The following DNAJC5G variants were observed in gnomAD, a reference collection of about 807,000 sequenced individuals.
The protein encoded by DNAJC5G is DnaJ heat shock protein family (Hsp40) member C5 gamma.
Under a neutral mutation model 19.1 loss-of-function variants are expected in DNAJC5G, and 13 were observed. The ratio of observed to expected loss-of-function variants is 0.68; its 90% CI spans 0.44 to 1.08. The LOEUF (loss-of-function observed/expected upper bound fraction) is 1.08, where lower values mean the gene tolerates loss of function less well. Ranked by LOEUF, DNAJC5G falls within the 50% of genes least tolerant of loss-of-function variation. DNAJC5G has a pLI of 0.00. For synonymous variants in DNAJC5G, 81 were observed against 84.4 expected (o/e 0.96, Z 0.22); for missense variants, 245 against 230.4 (o/e 1.06, Z -0.41).
rs563903580 is a variant in DNAJC5G, at chr2:27,277,194, G to A, written c.113+353G>A. Among the ~76,000 whole-genome samples, 22 of 151,496 alleles carry A rather than the reference G, an allele frequency of 1.5e-4. No individual in the cohort carries two copies. In the East Asian group the frequency reaches 2.2e-3, roughly 15 times the overall value. ...TGACCTCAGGTGATCTACCTGCCTC[G>A]GCCTCCCAAAGTGCTGGGATTACAG... On this transcript the variant is annotated intron_variant, in intron 3 of 6. Transcript: ENST00000296097.
chr2:27,277,750 C>G lies in DNAJC5G; in HGVS notation c.114-4C>G, dbSNP rs1376869757. ...TGTCATTCATCGTAAGTCTCCTTCCCCAGCCATTCCGCATTGCTTCCCCAC... is the reference window on the plus strand; with the variant it reads ...TGTCATTCATCGTAAGTCTCCTTCCGCAGCCATTCCGCATTGCTTCCCCAC... On this transcript the variant is annotated splice_region_variant and splice_polypyrimidine_tract_variant and intron_variant, in intron 3 of 6. Transcript: ENST00000296097. 8 of 1,613,760 alleles carry G rather than the reference C, an allele frequency of 5.0e-6. No homozygotes were observed. The East Asian group carries it at 1.6e-4, about 31-fold the overall frequency.
At position 27,281,168 on chromosome 2, in the gene DNAJC5G, C is replaced by G. The variant is rs1320183257; in HGVS notation, c.*758C>G. The G allele has an allele frequency of 1.3e-5, 2 of 152,368 alleles. No homozygotes were observed. The highest frequency in any genetic ancestry group is 3.7e-4 in the East Asian group (2 of 5,338). The allele number at this position is 152,368 out of a possible 1,614,324, so 9.4% of individuals were successfully genotyped here. ...AGTTCAAACATCAGTGCCAGCTTGC[C>G]TCCATCCTTTTCACATATTATGCAG... On this transcript the variant is annotated 3_prime_UTR_variant, in exon 7 of 7. Coordinates refer to ENST00000296097, the MANE Select transcript of DNAJC5G (RefSeq NM_173650.3).
intron 1 of DNAJC5G, 25 bp downstream of exon 1, chr2:27,275,578 A>C (rs796839615): frequency 7.6e-5 from 23 of 302,588 alleles, no homozygotes; most frequent in African/African-American, 4.8e-4. Context: ...CCAGGTGAGG[A>C]GTCGGCACAG....
chr2:27,276,572 A>C, intron 2 of DNAJC5G, 154 bp from the exon 3 acceptor site: 1 of 600,886 alleles, frequency 1.7e-6, no homozygotes, highest in Non-Finnish European at 2.9e-6. Context: ...CCTGCTAGCC[A>C]CAAATCCCAC....
In DNAJC5G at chr2:27,280,147, A is replaced by T. The variant is rs770574385; in HGVS notation, c.521-19A>T. ...ACTAAACGTTTGTATATGTAAACAT[A>T]TATATAATTCCATCATAGGAGCCAA... On this transcript the variant is annotated intron_variant, in intron 5 of 6. Coordinates refer to ENST00000296097, the MANE Select transcript of DNAJC5G (RefSeq NM_173650.3). The T allele has an allele frequency of 2.5e-6, 4 of 1,611,626 alleles. No individual in the cohort carries two copies. The highest frequency in any genetic ancestry group is 2.2e-5 in the South Asian group (2 of 91,012).
intron 1 of DNAJC5G, chr2:27,275,852 T>A (rs1388895760): frequency 6.6e-6 from 1 of 151,006 alleles, no homozygotes; most frequent in Non-Finnish European, 1.5e-5. Flanking sequence ...CAGGCCTAGC[T>A]GCAAGCACTC....
intron 5 of DNAJC5G, among the ~76,000 whole-genome samples, chr2:27,279,824 G>A (rs1302498631): frequency 6.6e-6 from 1 of 151,992 alleles, no homozygotes; most frequent in Non-Finnish European, 1.5e-5. Flanking sequence ...AGGGGAGGCT[G>A]AGGTGGGAGG....
rs188414722 is a variant in DNAJC5G, at chr2:27,280,458, G to T, written c.*48G>T. Reference sequence around the variant, plus strand: ...TGACCCAGTGAGGGTGCCTTCTGCTGCCCAGTCCCCTGGACACATTGAAGA... The same window carrying T: ...TGACCCAGTGAGGGTGCCTTCTGCTTCCCAGTCCCCTGGACACATTGAAGA... On this transcript the variant is annotated 3_prime_UTR_variant, in exon 7 of 7. Coordinates refer to ENST00000296097, the MANE Select transcript of DNAJC5G (RefSeq NM_173650.3). 332 of 489,904 alleles carry T rather than the reference G, an allele frequency of 6.8e-4. No homozygotes were observed. The highest frequency in any genetic ancestry group is 6.0e-3 in the African/African-American group (311 of 51,456). The allele number at this position is 489,904 out of a possible 1,614,324, so 30.3% of individuals were successfully genotyped here.
intron 5 of DNAJC5G, 47 bp from the exon 6 acceptor site, chr2:27,280,119 G>C (rs1390491460): frequency 1.3e-6 from 2 of 1,584,708 alleles, no homozygotes; most frequent in Non-Finnish European, 1.7e-6. Flanking sequence ...ACTACGAAAA[G>C]TTACTAAACG....
At chr2:27,279,123 G>C (rs1184582739) in intron 5 of DNAJC5G, among the ~76,000 whole-genome samples, 1 of 151,776 alleles carries the variant, frequency 6.6e-6, no homozygotes, top group African/African-American at 2.4e-5. Context: ...CTGGGACAAA[G>C]TGAAGAAAAA....
chr2:27,279,599 A>T (rs1220548320), intron 5 of DNAJC5G, among the ~76,000 whole-genome samples: 1 of 151,956 alleles, frequency 6.6e-6, no homozygotes, highest in Non-Finnish European at 1.5e-5. Context: ...GCCTGGCGGG[A>T]TGCAATTTTT....
At chr2:27,276,987 T>C (rs953107025) in intron 3 of DNAJC5G, 146 bp downstream of exon 3, 1 of 715,874 alleles carries the variant, frequency 1.4e-6, no homozygotes, top group Non-Finnish European at 2.2e-6. Flanking sequence ...ACAGAGACTA[T>C]TGAGAGTGCA....
chr2:27,275,861 T>TCCCCGCCCCCGCCCCCGCCCCCGC (rs1168900451), intron 1 of DNAJC5G: 4 of 122,592 alleles, frequency 3.3e-5, no homozygotes, highest in Admixed American at 1.7e-4. Flanking sequence ...CTGCAAGCAC[T>TCCCCGCCCCCGCCCCCGCCCCCGC]CCCCACCCCC....
At position 27,276,259 on chromosome 2, in the gene DNAJC5G, CAAAA is replaced by C. The variant is rs776887820; in HGVS notation, c.-121_-118del. ...GGGCAACAAGAGCAAAAAACTCCGT[CAAAA>C]AAAAAAAAAAGAAGAAGAAGTTGTG... On this transcript the variant is annotated 5_prime_UTR_variant, in exon 2 of 7. Transcript: ENST00000296097. The C allele has an allele frequency of 1.5e-5, 2 of 135,626 alleles. No homozygotes were observed. The highest frequency in any genetic ancestry group is 1.6e-5 in the Non-Finnish European group (1 of 62,250). The allele number at this position is 135,626 out of a possible 1,614,324, so 8.4% of individuals were successfully genotyped here. A position where few individuals can be genotyped will look rare whatever the true frequency, so the allele number is the denominator to read the frequency against.
intron 5 of DNAJC5G, among the ~76,000 whole-genome samples, 159 bp from the exon 6 acceptor site, chr2:27,280,007 A>G (rs1229044162): frequency 6.6e-6 from 1 of 152,116 alleles, no homozygotes; most frequent in African/African-American, 2.4e-5. Context: ...GTCTGAGATC[A>G]TTCCCCCCCA....
Position 27,277,786 on chromosome 2 carries a change from A to C in DNAJC5G, c.146A>C (p.Glu49Ala), listed in dbSNP as rs563876708. The C allele has an allele frequency of 6.2e-7, 1 of 1,613,950 alleles. No individual in the cohort carries two copies. The highest frequency in any genetic ancestry group is 2.2e-5 in the East Asian group (1 of 44,870). ...GCATTGCTTCCCCACCCTCCTTTTG[A>C]GTATCACCTGGGTAGGAAACTGGCC... ...HSALLPHPPFEYHLGRKLALR... is the reference protein window; with the variant it reads ...HSALLPHPPFAYHLGRKLALR... Residue 49 changes from glutamate to alanine, a missense_variant, in exon 4 of 7, where the codon GAG becomes GCG. Glu to Ala is a moderately radical substitution (Grantham distance 107). Transcript: ENST00000296097.
intron 3 of DNAJC5G, among the ~76,000 whole-genome samples, chr2:27,277,229 A>ACACCCAGACGAAGCAGCAT (rs1678135075): frequency 6.6e-6 from 1 of 151,358 alleles, no homozygotes; most frequent in Non-Finnish European, 1.5e-5. Flanking sequence ...GGTGTGAACC[A>ACACCCAGACGAAGCAGCAT]CTGTGCCTGG....
intron 6 of DNAJC5G, 52 bp from the exon 7 acceptor site, chr2:27,280,377 C>G: frequency 4.2e-6 from 3 of 717,146 alleles, no homozygotes; most frequent in Non-Finnish European, 7.1e-6. Context: ...GCTTTAAGTT[C>G]TAGGTAATTA....
intron 4 of DNAJC5G, 69 bp from the exon 5 acceptor site, chr2:27,278,119 T>G (rs1181973867): frequency 1.2e-6 from 2 of 1,610,954 alleles, no homozygotes; most frequent in Non-Finnish European, 1.7e-6. Flanking sequence ...CCAGGAGGAT[T>G]GAGGGAGGGA....
Sources: allele counts gnomAD v4.1 joint callset (sites outside exome capture counted in the v4.1 genomes callset), GRCh38; gene constraint gnomAD v4.1.1; transcripts MANE v1.5; gene names NCBI Gene and HGNC (gene_info 2026-07-23, HGNC 2026-07-21).